Variants in EYS observed in about 807,000 individuals in gnomAD.
EYS encodes the protein EGF-like photoreceptor maintenance factor, also known as protein eyes shut homolog.
EYS carries 250 observed loss-of-function variants against 282.1 expected under a neutral mutation model. The ratio of observed to expected loss-of-function variants is 0.89; its 90% CI spans 0.80 to 0.98. EYS has a LOEUF of 0.98. Among genes scored for constraint, EYS ranks in the 50% least tolerant of loss-of-function variants. The pLI, the probability that EYS is intolerant of heterozygous loss-of-function variation, is 0.00. For missense variants in EYS, 4,016 were observed against 3,709.0 expected (o/e 1.08, Z -2.15); for synonymous variants, 1,355 against 1,282.9 (o/e 1.06, Z -1.20).
intron 35 of EYS, among the ~76,000 whole-genome samples, chr6:63,906,813 A>G (rs1773789993): frequency 6.6e-6 from 1 of 152,102 alleles, no homozygotes; most frequent in Non-Finnish European, 1.5e-5. Flanking sequence ...TTATACATAT[A>G]TATAAAAACA....
chr6:65,193,430 G>A (rs555225939), intron 12 of EYS, among the ~76,000 whole-genome samples: 10 of 151,790 alleles, frequency 6.6e-5, no homozygotes, highest in South Asian at 2.1e-4. Context: ...GACAGACATC[G>A]ATGCGCCTTT....
At chr6:63,989,838 T>A (rs926565838) in intron 34 of EYS, among the ~76,000 whole-genome samples, 1 of 150,932 alleles carries the variant, frequency 6.6e-6, no homozygotes, top group Non-Finnish European at 1.5e-5. Flanking sequence ...CTTCTATATT[T>A]TATATATATA....
At chr6:64,980,590 T>C (rs1469073612) in intron 14 of EYS, among the ~76,000 whole-genome samples, 1 of 151,472 alleles carries the variant, frequency 6.6e-6, no homozygotes, top group Non-Finnish European at 1.5e-5. Context: ...TTAATACATA[T>C]ACTTTGTGTT....
At chr6:65,506,891 T>C (rs1184517600) in intron 2 of EYS, among the ~76,000 whole-genome samples, 1 of 152,198 alleles carries the variant, frequency 6.6e-6, no homozygotes. Flanking sequence ...CTTTCTGACA[T>C]GACTGTTATT....
chr6:64,561,306 T>TAGAC (rs1765388069), intron 26 of EYS, among the ~76,000 whole-genome samples: 1 of 152,044 alleles, frequency 6.6e-6, no homozygotes, highest in Non-Finnish European at 1.5e-5. Context: ...TTCAACATAG[T>TAGAC]ATTGAAAGTC....
chr6:65,198,886 G>C (rs1765833220), intron 12 of EYS, among the ~76,000 whole-genome samples: 1 of 152,020 alleles, frequency 6.6e-6, no homozygotes, highest in Non-Finnish European at 1.5e-5. Flanking sequence ...GATTTGATTG[G>C]GGGGTGCTGA....
chr6:64,528,396 TCTA>T (rs1777993048), intron 26 of EYS, among the ~76,000 whole-genome samples: 1 of 151,840 alleles, frequency 6.6e-6, no homozygotes, highest in African/African-American at 2.4e-5. Context: ...CCAGGGTTCT[TCTA>T]TTCTTTTTTC....
At chr6:65,329,728 A>G (rs2150310212) in intron 11 of EYS, 1 of 973,334 alleles carries the variant, frequency 1.0e-6, no homozygotes, top group African/African-American at 1.7e-5. Context: ...CAATAGTCTT[A>G]GAATAAATAA....
intron 30 of EYS, among the ~76,000 whole-genome samples, chr6:64,269,806 T>C (rs1388091364): frequency 6.6e-6 from 1 of 152,116 alleles, no homozygotes; most frequent in Non-Finnish European, 1.5e-5. Context: ...ATATTTTTAA[T>C]ACTGCTAACT....
At chr6:64,738,258 A>G (rs560226689) in intron 22 of EYS, among the ~76,000 whole-genome samples, 1 of 152,116 alleles carries the variant, frequency 6.6e-6, no homozygotes, top group Non-Finnish European at 1.5e-5. Flanking sequence ...TACCCTCCCT[A>G]CAGTAATGAA....
chr6:63,889,643 A>C (rs894831932), intron 35 of EYS, among the ~76,000 whole-genome samples: 1 of 152,282 alleles, frequency 6.6e-6, no homozygotes, highest in South Asian at 2.1e-4. Flanking sequence ...GAAAGGAAAA[A>C]CTGGTACGAG....
rs562824124 is a variant in EYS at position 64,876,333 on chromosome 6, G to C, written c.2992+10364C>G. On this transcript the variant is annotated intron_variant, in intron 19 of 42. Coordinates refer to ENST00000503581, the MANE Select transcript of EYS (RefSeq NM_001142800.2). The stretch of plus-strand genomic sequence containing the variant: ...ACTAATTTTTTAAATGTTTTTTATT[G>C]GCAGCATGAGAAGAAAATTAAAAGA... Among the ~76,000 whole-genome samples the C allele has an allele frequency of 7.9e-5, 12 of 151,856 alleles. No individual in the cohort carries two copies. The South Asian group carries it at 2.5e-3, about 32-fold the overall frequency.
intron 31 of EYS, among the ~76,000 whole-genome samples, chr6:64,175,348 G>T (rs1242603920): frequency 6.6e-6 from 1 of 152,114 alleles, no homozygotes; most frequent in African/African-American, 2.4e-5. Context: ...ATCCCTTTCA[G>T]GAAGTTTAAT....
chr6:64,458,774 T>C (rs932680934), intron 26 of EYS, among the ~76,000 whole-genome samples: 1 of 152,114 alleles, frequency 6.6e-6, no homozygotes. Flanking sequence ...CACCCCTCCA[T>C]GGAAATCCTC....
chr6:63,875,306 A>G (rs988563184), intron 35 of EYS, among the ~76,000 whole-genome samples: 7 of 152,198 alleles, frequency 4.6e-5, no homozygotes, highest in Non-Finnish European at 8.8e-5. Flanking sequence ...CCAGGCTTGC[A>G]TCCCAGGGAT....
At chr6:63,781,698 G>A (rs960499618) in intron 39 of EYS, among the ~76,000 whole-genome samples, 2 of 152,190 alleles carry the variant, frequency 1.3e-5, no homozygotes, top group Non-Finnish European at 2.9e-5. Context: ...TCTGCAAACA[G>A]GGACAATCTT....
At position 64,003,172 on chromosome 6, in the gene EYS, C is replaced by T. The variant is rs554188399; in HGVS notation, c.6726-3989G>A. Among the ~76,000 whole-genome samples the T allele has an allele frequency of 5.3e-5, 8 of 152,214 alleles. No homozygotes were observed. In the South Asian group the frequency reaches 8.3e-4, roughly 16 times the overall value. ...GTCATTTGCAACAACATGGATGGAA[C>T]TGGAGGTCATTATGTTAAGTAAAAT... is the stretch of plus-strand genomic sequence containing the variant. On this transcript the variant is annotated intron_variant, in intron 33 of 42. Coordinates refer to ENST00000503581, the MANE Select transcript of EYS (RefSeq NM_001142800.2).
intron 2 of EYS, among the ~76,000 whole-genome samples, chr6:65,626,457 A>C (rs1044445124): frequency 2.6e-5 from 4 of 152,230 alleles, no homozygotes; most frequent in Non-Finnish European, 5.9e-5. Flanking sequence ...TAGATGATGT[A>C]CTGTGGAACT....
intron 5 of EYS, among the ~76,000 whole-genome samples, chr6:65,419,793 A>G (rs1767385063): frequency 6.6e-6 from 1 of 151,974 alleles, no homozygotes; most frequent in South Asian, 2.1e-4. Flanking sequence ...CATATCCTGG[A>G]GCTATTGCAG....
Sources: allele counts gnomAD v4.1 joint callset (sites outside exome capture counted in the v4.1 genomes callset), GRCh38; gene constraint gnomAD v4.1.1; transcripts MANE v1.5; gene names NCBI Gene and HGNC (gene_info 2026-07-23, HGNC 2026-07-21).